SEMA5A: variants seen among roughly 807,000 people sequenced by gnomAD.
SEMA5A encodes the protein semaphorin 5A, also known as semaphorin-5A.
In SEMA5A, 55 loss-of-function variants were observed where a neutral mutation model predicts 135.5. The observed-to-expected ratio is 0.41, with a 90% CI of 0.33 to 0.51. SEMA5A has a LOEUF of 0.51. Among genes scored for constraint, SEMA5A ranks in the 20% least tolerant of loss-of-function variants. The pLI, the probability that SEMA5A is intolerant of heterozygous loss-of-function variation, is 0.37. For synonymous variants in SEMA5A, 580 were observed against 546.5 expected, an observed-to-expected ratio of 1.06 and a Z score of -0.85; for missense variants, 1,290 against 1,419.9, an observed-to-expected ratio of 0.91 and a Z score of 1.47.
intron 1 of SEMA5A, among the ~76,000 whole-genome samples, chr5:9,492,262 G>GA (rs1735056783): frequency 6.6e-6 from 1 of 152,152 alleles, no homozygotes; most frequent in African/African-American, 2.4e-5. Flanking sequence ...TTCTGTGCCA[G>GA]AAAAACACAA....
chr5:9,505,697 C>T (rs985899443), intron 1 of SEMA5A, among the ~76,000 whole-genome samples: 1 of 152,204 alleles, frequency 6.6e-6, no homozygotes, highest in Non-Finnish European at 1.5e-5. Flanking sequence ...CCCAAAACAC[C>T]TCTGCTGGCA....
At chr5:9,208,218 A>G (rs1746152879) in intron 8 of SEMA5A, among the ~76,000 whole-genome samples, 1 of 152,150 alleles carries the variant, frequency 6.6e-6, no homozygotes, top group Admixed American at 6.5e-5. Flanking sequence ...AGTAAATAGT[A>G]TCAGTAATTA....
intron 8 of SEMA5A, among the ~76,000 whole-genome samples, chr5:9,216,064 C>G (rs1166504348): frequency 6.6e-6 from 1 of 152,164 alleles, no homozygotes; most frequent in Non-Finnish European, 1.5e-5. Context: ...TTCTCTAATT[C>G]TTTCCATTGT....
At chr5:9,201,662 C>T (rs1231571470) in intron 9 of SEMA5A, among the ~76,000 whole-genome samples, 2 of 152,206 alleles carry the variant, frequency 1.3e-5, no homozygotes, top group Non-Finnish European at 2.9e-5. Context: ...GCCCAGAACA[C>T]AATGGCAAAT....
intron 2 of SEMA5A, among the ~76,000 whole-genome samples, chr5:9,385,296 C>T (rs914977556): frequency 1.3e-5 from 2 of 152,138 alleles, no homozygotes; most frequent in Non-Finnish European, 2.9e-5. Flanking sequence ...AAAATAACTG[C>T]TCCTTTTAGG....
intron 12 of SEMA5A, among the ~76,000 whole-genome samples, chr5:9,140,865 G>A (rs540419698): frequency 3.7e-4 from 56 of 152,174 alleles, no homozygotes; most frequent in Non-Finnish European, 6.8e-4. Context: ...AAATTCCACG[G>A]GCTCCTCACG....
At chr5:9,137,955 CT>C (rs1490997670) in intron 12 of SEMA5A, among the ~76,000 whole-genome samples, 2 of 152,060 alleles carry the variant, frequency 1.3e-5, no homozygotes, top group African/African-American at 4.8e-5. Flanking sequence ...AATGAAAAAA[CT>C]GAAGGAGGGA....
intron 11 of SEMA5A, among the ~76,000 whole-genome samples, chr5:9,185,820 G>T (rs565604766): frequency 1.3e-5 from 2 of 152,242 alleles, no homozygotes; most frequent in African/African-American, 4.8e-5. Context: ...AGACTGAATG[G>T]CATTGTGGGG....
intron 5 of SEMA5A, among the ~76,000 whole-genome samples, chr5:9,281,550 G>A (rs1183334131): frequency 6.6e-6 from 1 of 152,136 alleles, no homozygotes; most frequent in Admixed American, 6.6e-5. Context: ...AGAAACCCTA[G>A]TTTATATGAA....
chr5:9,537,586 T>A (rs1484093446), intron 1 of SEMA5A, among the ~76,000 whole-genome samples: 1 of 152,180 alleles, frequency 6.6e-6, no homozygotes, highest in Non-Finnish European at 1.5e-5. Context: ...TTAGGATTGG[T>A]AATAGAAAAA....
chr5:9,381,942 T>TTTTGTG (rs3221787), intron 2 of SEMA5A, among the ~76,000 whole-genome samples: 2 of 109,304 alleles, frequency 1.8e-5, no homozygotes, highest in Non-Finnish European at 3.6e-5. Flanking sequence ...TAGAATCATT[T>TTTTGTG]TGTGTGTGTG....
At chr5:9,095,371 A>G (rs1347620578) in intron 16 of SEMA5A, among the ~76,000 whole-genome samples, 1 of 152,318 alleles carries the variant, frequency 6.6e-6, no homozygotes, top group East Asian at 1.9e-4. Flanking sequence ...CATTCAGCAC[A>G]TGTACCCCAG....
intron 5 of SEMA5A, among the ~76,000 whole-genome samples, chr5:9,308,445 G>A (rs118035518): frequency 6.6e-6 from 1 of 152,166 alleles, no homozygotes; most frequent in East Asian, 1.9e-4. Flanking sequence ...TCGGGTTGAG[G>A]CTATACTCCA....
At chr5:9,245,236 T>G (rs1176248255) in intron 5 of SEMA5A, among the ~76,000 whole-genome samples, 6 of 152,162 alleles carry the variant, frequency 3.9e-5, no homozygotes, top group Non-Finnish European at 8.8e-5. Flanking sequence ...AGTATTCACA[T>G]GTCTATGTTC....
intron 3 of SEMA5A, among the ~76,000 whole-genome samples, chr5:9,365,541 G>A (rs1754879724): frequency 6.6e-6 from 1 of 151,962 alleles, no homozygotes; most frequent in Non-Finnish European, 1.5e-5. Flanking sequence ...CTTGATTACT[G>A]AGTGTTTCAG....
At chr5:9,433,357 T>C (rs1757920794) in intron 2 of SEMA5A, among the ~76,000 whole-genome samples, 1 of 152,124 alleles carries the variant, frequency 6.6e-6, no homozygotes, top group East Asian at 1.9e-4. Context: ...AAAATCATTA[T>C]CAAGAAAAAA....
intron 16 of SEMA5A, among the ~76,000 whole-genome samples, chr5:9,071,292 T>G (rs1304896715): frequency 6.6e-6 from 1 of 152,220 alleles, no homozygotes; most frequent in Admixed American, 6.5e-5. Flanking sequence ...CTGTGTTCCT[T>G]CTGTCCTCTC....
At chr5:9,199,243 C>G (rs919912245) in intron 9 of SEMA5A, among the ~76,000 whole-genome samples, 4 of 152,166 alleles carry the variant, frequency 2.6e-5, no homozygotes, top group African/African-American at 7.2e-5. Flanking sequence ...CCAGTAGCTG[C>G]CAGTCTGAGC....
At chr5:9,357,814 A>C (rs1191011145) in intron 3 of SEMA5A, among the ~76,000 whole-genome samples, 1 of 152,192 alleles carries the variant, frequency 6.6e-6, no homozygotes, top group Non-Finnish European at 1.5e-5. Flanking sequence ...TCACATCTGA[A>C]GATATATAAG....
Sources: gnomAD v4.1 joint callset for allele counts (sites outside exome capture counted in the v4.1 genomes callset) on GRCh38, gnomAD v4.1.1 for gene constraint, MANE v1.5 for transcripts, NCBI Gene and HGNC (gene_info 2026-07-23, HGNC 2026-07-21) for gene names.